The following ATP11A variants were observed in gnomAD, a reference collection of about 807,000 sequenced individuals.
The protein encoded by ATP11A is ATPase phospholipid transporting 11A.
ATP11A carries 81 observed loss-of-function variants against 154.4 expected under a neutral mutation model. The ratio of observed to expected loss-of-function variants is 0.52; its 90% CI spans 0.44 to 0.63. ATP11A has a LOEUF of 0.63. Among genes scored for constraint, ATP11A ranks in the 30% least tolerant of loss-of-function variants. The pLI, the probability that ATP11A is intolerant of heterozygous loss-of-function variation, is 0.00. For synonymous variants in ATP11A, 623 were observed against 585.9 expected (o/e 1.06, Z -0.91); for missense variants, 1,316 against 1,474.3 (o/e 0.89, Z 1.76).
intron 16 of ATP11A, among the ~76,000 whole-genome samples, chr13:112,836,849 A>C (rs1302117548): frequency 6.6e-6 from 1 of 152,102 alleles, no homozygotes; most frequent in Admixed American, 6.5e-5. Context: ...CACTCTCCTG[A>C]TCCTCCCACT....
intron 1 of ATP11A, among the ~76,000 whole-genome samples, chr13:112,750,704 T>C (rs565788673): frequency 2.6e-4 from 40 of 152,380 alleles, no homozygotes; most frequent in African/African-American, 9.4e-4. Context: ...CACTAGTGTT[T>C]ACTGCACTAG....
chr13:112,756,208 T>G (rs2139843836), intron 1 of ATP11A, among the ~76,000 whole-genome samples: 1 of 152,352 alleles, frequency 6.6e-6, no homozygotes, highest in East Asian at 1.9e-4. Context: ...TAAATAAAAC[T>G]TAGTCTGTGA....
At chr13:112,828,071 A>G (rs2078978273) in intron 12 of ATP11A, among the ~76,000 whole-genome samples, 1 of 150,906 alleles carries the variant, frequency 6.6e-6, no homozygotes, top group Admixed American at 6.7e-5. Flanking sequence ...GAAAGTGCCC[A>G]GCAGCGTTGA....
Position 112,804,974 on chromosome 13 carries a change from T to C in ATP11A, c.180T>C (p.Phe60=), listed in dbSNP as rs780412443. 9.3e-6 allele frequency: 15 copies of C among 1,608,112 alleles called. No individual in the cohort carries two copies. The highest frequency in any genetic ancestry group is 1.3e-5 in the Non-Finnish European group (15 of 1,177,210). Residue 60 remains phenylalanine, a synonymous_variant, in exon 3 of 30, where the codon TTT becomes TTC. Coordinates refer to ENST00000375645, the MANE Select transcript of ATP11A (RefSeq NM_015205.3). Reference sequence around the variant, plus strand: ...TTATGCAGTACACATTTTGGAACTTTATACCCAAGAATTTATTTGAACAAT... The same window carrying C: ...TTATGCAGTACACATTTTGGAACTTCATACCCAAGAATTTATTTGAACAAT... ...IVSSKYTFWN[F]IPKNLFEQFR... is the part of the protein sequence containing the mutation.
intron 17 of ATP11A, 144 bp from the exon 18 acceptor site, chr13:112,850,893 A>T: frequency 1.5e-6 from 1 of 681,456 alleles, no homozygotes; most frequent in Non-Finnish European, 2.5e-6. Context: ...TTCTTTGTTT[A>T]CTTAGTACTG....
At chr13:112,878,447 G>A (rs374215559) in intron 29 of ATP11A, 144 bp downstream of exon 29, 10 of 762,220 alleles carry the variant, frequency 1.3e-5, no homozygotes, top group African/African-American at 5.1e-5. Context: ...GGGAAGTCCC[G>A]CCACCACTTA....
chr13:112,774,141 CA>C (rs2077291515), intron 1 of ATP11A, among the ~76,000 whole-genome samples: 1 of 152,216 alleles, frequency 6.6e-6, no homozygotes, highest in South Asian at 2.1e-4. Flanking sequence ...ATGTCCAATA[CA>C]AAGGATAGAC....
chr13:112,849,918 G>T (rs2079715637), intron 17 of ATP11A, among the ~76,000 whole-genome samples: 1 of 152,224 alleles, frequency 6.6e-6, no homozygotes, highest in African/African-American at 2.4e-5. Flanking sequence ...TTCTTGACCA[G>T]GAGACAATAT....
chr13:112,701,348 A>C (rs1486171551), intron 1 of ATP11A, among the ~76,000 whole-genome samples: 1 of 152,194 alleles, frequency 6.6e-6, no homozygotes, highest in Non-Finnish European at 1.5e-5. Context: ...TTGGCAGTCA[A>C]GTTGTGTTTA....
intron 12 of ATP11A, among the ~76,000 whole-genome samples, chr13:112,830,302 C>T (rs1489723067): frequency 6.6e-6 from 1 of 152,178 alleles, no homozygotes; most frequent in Non-Finnish European, 1.5e-5. Flanking sequence ...GGGCCAGGCA[C>T]AGTGGCTCAT....
chr13:112,784,245 C>A (rs1055831297), intron 1 of ATP11A, among the ~76,000 whole-genome samples: 8 of 152,180 alleles, frequency 5.3e-5, no homozygotes, highest in Admixed American at 1.3e-4. Flanking sequence ...TGTAGGCGAT[C>A]GGGTCATTGC....
rs770121591 is a variant in ATP11A, at chr13:112,806,284, T to C, written c.324T>C (p.Ala108=). 6 of 1,612,742 alleles carry C rather than the reference T, an allele frequency of 3.7e-6. 1 individual carries two copies. The East Asian group carries it at 6.7e-5, about 18-fold the overall frequency. ...TCTTCTTTGTCATTACTGTGACGGC[T>C]ATCAAACAGGTAAGCATTTTACAGA... The part of the protein sequence containing the change: ...LPLFFVITVT[A]IKQGYEDWLR... Residue 108 remains alanine (A), a synonymous_variant, in exon 4 of 30, where the codon GCT becomes GCC. Coordinates refer to ENST00000375645, the MANE Select transcript of ATP11A (RefSeq NM_015205.3).
chr13:112,744,821 C>T (rs1891945725), intron 1 of ATP11A, among the ~76,000 whole-genome samples: 1 of 152,210 alleles, frequency 6.6e-6, no homozygotes, highest in Non-Finnish European at 1.5e-5. Context: ...AAATTCCTTC[C>T]CTACTTCATG....
intron 1 of ATP11A, among the ~76,000 whole-genome samples, chr13:112,721,097 G>GT (rs1889123080): frequency 6.6e-6 from 1 of 152,202 alleles, no homozygotes; most frequent in Admixed American, 6.5e-5. Context: ...GGGAAAGGGT[G>GT]TATGTAAGGC....
At chr13:112,759,628 A>G (rs528013377) in intron 1 of ATP11A, among the ~76,000 whole-genome samples, 1 of 152,242 alleles carries the variant, frequency 6.6e-6, no homozygotes, top group Non-Finnish European at 1.5e-5. Context: ...GAAATTGGAG[A>G]TTGGTACTCT....
rs28532867 is a variant in ATP11A, at chr13:112,814,981, G to A, written c.442-1102G>A. On this transcript the variant is annotated intron_variant, in intron 5 of 29. Coordinates refer to ENST00000375645, the MANE Select transcript of ATP11A (RefSeq NM_015205.3). ...GATTTTAAAGTCTCACAAATTCGCA[G>A]TGTGCTGTGACCATCGTGTAGTGGG... is the stretch of plus-strand genomic sequence containing the variant. 5.7e-3 allele frequency among the ~76,000 whole-genome samples: 872 copies of A among 152,310 alleles called. 8 individuals are homozygous for A. The highest frequency in any genetic ancestry group is 0.02 in the African/African-American group (823 of 41,558).
chr13:112,694,965 TTTTA>T (rs776315139), intron 1 of ATP11A, among the ~76,000 whole-genome samples: 19 of 152,382 alleles, frequency 1.2e-4, no homozygotes, highest in African/African-American at 4.1e-4. Context: ...TATCTGCTTC[TTTTA>T]TTTATTACCG....
intron 1 of ATP11A, among the ~76,000 whole-genome samples, chr13:112,744,260 C>T (rs911721492): frequency 6.6e-6 from 1 of 150,990 alleles, no homozygotes; most frequent in African/African-American, 2.4e-5. Flanking sequence ...TTTCTCTGTC[C>T]TCCCGGCACC....
chr13:112,721,142 G>A (rs1024239410), intron 1 of ATP11A, among the ~76,000 whole-genome samples: 2 of 152,180 alleles, frequency 1.3e-5, no homozygotes, highest in African/African-American at 2.4e-5. Context: ...GAAGGGTCTG[G>A]GTTGTAAATC....
Sources: allele counts gnomAD v4.1 joint callset (sites outside exome capture counted in the v4.1 genomes callset), GRCh38; gene constraint gnomAD v4.1.1; transcripts MANE v1.5; gene names NCBI Gene and HGNC (gene_info 2026-07-23, HGNC 2026-07-21).